Variants in GALNT7 observed in about 807,000 individuals in gnomAD.
GALNT7 encodes the protein polypeptide N-acetylgalactosaminyltransferase 7.
In GALNT7, 60 loss-of-function variants were observed where a neutral mutation model predicts 82.1. The observed-to-expected ratio is 0.73, with a 90% CI of 0.59 to 0.91. The LOEUF (loss-of-function observed/expected upper bound fraction) is 0.91. Ranked by LOEUF, GALNT7 falls within the 40% of genes least tolerant of loss-of-function variation. GALNT7 has a pLI of 0.00. For synonymous variants in GALNT7, 243 were observed against 275.1 expected, an observed-to-expected ratio of 0.88 and a Z score of 1.15; for missense variants, 660 against 804.2, an observed-to-expected ratio of 0.82 and a Z score of 2.17.
chr4:173,205,587 A>G (rs767391005), intron 1 of GALNT7, among the ~76,000 whole-genome samples: 1 of 152,122 alleles, frequency 6.6e-6, no homozygotes, highest in Non-Finnish European at 1.5e-5. Flanking sequence ...CTTGAAGCCT[A>G]TGTCCAGAGT....
chr4:173,239,684 C>T (rs1417649807), intron 1 of GALNT7, among the ~76,000 whole-genome samples: 1 of 152,086 alleles, frequency 6.6e-6, no homozygotes, highest in Non-Finnish European at 1.5e-5. Context: ...TTCACATTTA[C>T]AAAATAGAAC....
chr4:173,243,659 C>CA (rs1315245228), intron 1 of GALNT7, among the ~76,000 whole-genome samples: 1 of 152,188 alleles, frequency 6.6e-6, no homozygotes, highest in Non-Finnish European at 1.5e-5. Flanking sequence ...TGGGGTTAGA[C>CA]AGACAATTCT....
intron 1 of GALNT7, among the ~76,000 whole-genome samples, chr4:173,224,640 T>C (rs1277785017): frequency 6.6e-6 from 1 of 152,232 alleles, no homozygotes; most frequent in Non-Finnish European, 1.5e-5. Context: ...TATACATATA[T>C]AGTTTTGAAT....
At chr4:173,274,708 G>A (rs1437008285) in intron 2 of GALNT7, among the ~76,000 whole-genome samples, 1 of 152,184 alleles carries the variant, frequency 6.6e-6, no homozygotes, top group Non-Finnish European at 1.5e-5. Context: ...TATTAGAACT[G>A]CATTGCCTCA....
chr4:173,270,557 G>C (rs1033012625), intron 2 of GALNT7, among the ~76,000 whole-genome samples: 32 of 152,166 alleles, frequency 2.1e-4, no homozygotes, highest in African/African-American at 4.1e-4. Flanking sequence ...TATCTCAATT[G>C]CTTCAGAGTA....
intron 2 of GALNT7, among the ~76,000 whole-genome samples, chr4:173,282,958 T>G (rs1736167883): frequency 6.6e-6 from 1 of 152,188 alleles, no homozygotes; most frequent in Non-Finnish European, 1.5e-5. Flanking sequence ...CCTGGCAGAA[T>G]TTGTAGGATA....
chr4:173,189,680 C>G (rs890466381), intron 1 of GALNT7, among the ~76,000 whole-genome samples: 1 of 152,160 alleles, frequency 6.6e-6, no homozygotes, highest in Non-Finnish European at 1.5e-5. Context: ...TTGGCAACTC[C>G]CTGCAGTAGT....
chr4:173,318,397 C>G (rs556000442), intron 10 of GALNT7, 34 bp from the exon 11 acceptor site: 1 of 1,561,586 alleles, frequency 6.4e-7, no homozygotes, highest in Non-Finnish European at 8.7e-7. Flanking sequence ...GGGAAGGTGC[C>G]TCTGTTACTT....
chr4:173,248,418 G>C lies in GALNT7; in HGVS notation c.565G>C (p.Val189Leu). The C allele has an allele frequency of 6.2e-7, 1 of 1,608,074 alleles. No homozygotes were observed. The highest frequency in any genetic ancestry group is 1.7e-4 in the Middle Eastern group (1 of 6,032). Reference sequence around the variant, plus strand: ...TGACATGATCTCACTGGACCGCAGCGTCAATGACTTACGCCAAGAAGAGTA... The same window carrying C: ...TGACATGATCTCACTGGACCGCAGCCTCAATGACTTACGCCAAGAAGAGTA... ...ASDMISLDRS[V>L]NDLRQEECKY... Residue 189 changes from valine to leucine, a missense_variant, in exon 2 of 12, where the codon GTC (valine) becomes CTC (leucine). By Grantham distance (32) the Val-to-Leu change is conservative. This residue lies in a region of GALNT7 where 527 missense variants were observed against 683.5 expected (regional missense o/e 0.77). Transcript: ENST00000265000.
At position 173,168,980 on chromosome 4, in the gene GALNT7, C is replaced by A; in HGVS notation, c.126+19C>A. 6.2e-7 allele frequency: 1 copy of A among 1,609,534 alleles called. No individual in the cohort carries two copies. Among genetic ancestry groups the A allele is most frequent in the African/African-American group, 1.3e-5 (1 of 74,870 alleles). On this transcript the variant is annotated intron_variant, in intron 1 of 11. Transcript: ENST00000265000. ...GATGAGGGTGAGTGACCCGCCCGGC[C>A]CCCTCCGGCGGCAGCGACCGGCAAC...
intron 8 of GALNT7, among the ~76,000 whole-genome samples, chr4:173,306,804 A>C (rs1009217725): frequency 6.6e-6 from 1 of 152,200 alleles, no homozygotes. Context: ...ATCCAGGTCT[A>C]CTACTGGGAG....
At chr4:173,304,145 A>G in intron 8 of GALNT7, 27 bp downstream of exon 8, 1 of 1,602,420 alleles carries the variant, frequency 6.2e-7, no homozygotes, top group African/African-American at 1.3e-5. Context: ...AAAGGGGAGG[A>G]CAGGGAACTA....
At chr4:173,268,530 G>GGT (rs1183747594) in intron 2 of GALNT7, among the ~76,000 whole-genome samples, 1 of 52,336 alleles carries the variant, frequency 1.9e-5, no homozygotes, top group Non-Finnish European at 3.2e-5. Context: ...TTTCTCTCTC[G>GGT]TTTTTTTTTT....
chr4:173,235,328 C>G (rs1340919931), intron 1 of GALNT7, among the ~76,000 whole-genome samples: 1 of 152,194 alleles, frequency 6.6e-6, no homozygotes, highest in Non-Finnish European at 1.5e-5. Context: ...CTTGATCTAG[C>G]TACTACCTAA....
At chr4:173,168,983 C>T (rs376261216) in intron 1 of GALNT7, 22 bp downstream of exon 1, 398 of 1,608,228 alleles carry the variant, frequency 2.5e-4, no homozygotes, top group African/African-American at 3.6e-4. Context: ...GCCCGGCCCC[C>T]TCCGGCGGCA....
chr4:173,303,669 A>G (rs189647427), intron 7 of GALNT7, among the ~76,000 whole-genome samples: 32 of 152,336 alleles, frequency 2.1e-4, no homozygotes, highest in Admixed American at 1.3e-3. Flanking sequence ...TAGGAAATAT[A>G]TTAGCAATGG....
At chr4:173,185,850 G>A (rs566956755) in intron 1 of GALNT7, among the ~76,000 whole-genome samples, 2 of 152,274 alleles carry the variant, frequency 1.3e-5, no homozygotes, top group African/African-American at 4.8e-5. Context: ...TTATGGTTTT[G>A]GGATAAGCTG....
At chr4:173,230,358 C>T (rs1354561914) in intron 1 of GALNT7, among the ~76,000 whole-genome samples, 4 of 152,136 alleles carry the variant, frequency 2.6e-5, no homozygotes, top group Admixed American at 6.6e-5. Flanking sequence ...ATGTTTCCTT[C>T]TCTCAAAGTG....
chr4:173,244,554 AG>A (rs1377403325), intron 1 of GALNT7, among the ~76,000 whole-genome samples: 1 of 152,180 alleles, frequency 6.6e-6, no homozygotes, highest in East Asian at 1.9e-4. Flanking sequence ...TTCTAATCTT[AG>A]GTAACTTCCC....
Sources: gnomAD v4.1 joint callset for allele counts (sites outside exome capture counted in the v4.1 genomes callset) on GRCh38, gnomAD v4.1.1 for gene constraint, gnomAD v4.1.1 regional missense constraint, MANE v1.5 for transcripts, NCBI Gene and HGNC (gene_info 2026-07-23, HGNC 2026-07-21) for gene names.